Variants in PDZD2 observed in about 807,000 individuals in gnomAD.
PDZD2 encodes PDZ domain-containing protein 2.
In PDZD2, 90 loss-of-function variants were observed where a neutral mutation model predicts 220.7. The ratio of observed to expected loss-of-function variants is 0.41; its 90% confidence interval spans 0.34 to 0.49. PDZD2 has a LOEUF of 0.49. Among genes scored for constraint, PDZD2 ranks in the 20% least tolerant of loss-of-function variants. The pLI is 0.28. For synonymous variants in PDZD2, 1,375 were observed against 1,450.5 expected (o/e 0.95, Z 1.18); for missense variants, 3,174 against 3,608.5 (o/e 0.88, Z 3.08).
chr5:31,819,920 T>C (rs578067302), intron 2 of PDZD2, among the ~76,000 whole-genome samples: 18 of 152,344 alleles, frequency 1.2e-4, no homozygotes, highest in African/African-American at 4.1e-4. Context: ...TGCAGAATTC[T>C]CTATTATCCT....
intron 2 of PDZD2, among the ~76,000 whole-genome samples, chr5:31,824,640 C>T (rs568644219): frequency 6.6e-6 from 1 of 151,606 alleles, no homozygotes; most frequent in Admixed American, 6.6e-5. Context: ...AGATGTGCCA[C>T]CCTCAAACCT....
At chr5:31,689,353 A>ATATATATATAT in intron 1 of PDZD2, among the ~76,000 whole-genome samples, 21 of 35,122 alleles carry the variant, frequency 6.0e-4, no homozygotes, top group South Asian at 1.0e-3. Flanking sequence ...ATATATATAT[A>ATATATATATAT]TTTTTTTTTT....
chr5:31,935,358 A>G (rs1459054350), intron 2 of PDZD2, among the ~76,000 whole-genome samples: 1 of 152,190 alleles, frequency 6.6e-6, no homozygotes, highest in Non-Finnish European at 1.5e-5. Context: ...ACTACTATAT[A>G]TGTGTGTTGG....
chr5:31,796,137 T>C (rs1754009351), intron 1 of PDZD2, among the ~76,000 whole-genome samples: 1 of 152,222 alleles, frequency 6.6e-6, no homozygotes, highest in East Asian at 1.9e-4. Flanking sequence ...AATTAACAAC[T>C]CGAGTTGCAA....
chr5:31,819,978 C>G (rs1225183304), intron 2 of PDZD2, among the ~76,000 whole-genome samples: 2 of 152,158 alleles, frequency 1.3e-5, no homozygotes, highest in Admixed American at 1.3e-4. Flanking sequence ...CAGGTGACAG[C>G]CTGATGATGA....
chr5:31,887,161 G>A (rs1740583562), intron 2 of PDZD2, among the ~76,000 whole-genome samples: 1 of 152,196 alleles, frequency 6.6e-6, no homozygotes, highest in African/African-American at 2.4e-5. Context: ...AGTTCAATGA[G>A]TTCTGAAAAT....
intron 7 of PDZD2, among the ~76,000 whole-genome samples, chr5:32,042,054 G>GACC (rs1756222801): frequency 2.2e-5 from 1 of 46,180 alleles, no homozygotes; most frequent in Admixed American, 2.3e-4. Context: ...AGGAGATCGA[G>GACC]ACCATCCTGG....
chr5:31,953,712 T>G (rs1747385588), intron 2 of PDZD2, among the ~76,000 whole-genome samples: 1 of 151,168 alleles, frequency 6.6e-6, no homozygotes. Context: ...TGGAGTGCAG[T>G]GGCACAATCT....
At chr5:31,957,607 G>A (rs893893892) in intron 2 of PDZD2, among the ~76,000 whole-genome samples, 2 of 152,166 alleles carry the variant, frequency 1.3e-5, no homozygotes, top group South Asian at 2.1e-4. Flanking sequence ...CTAGCCTCTG[G>A]AGACCAGGGG....
chr5:31,778,017 C>T (rs1485594725), intron 1 of PDZD2, among the ~76,000 whole-genome samples: 2 of 152,194 alleles, frequency 1.3e-5, no homozygotes, highest in African/African-American at 4.8e-5. Flanking sequence ...CTGTGTCTAG[C>T]TCGGGGATTG....
At chr5:31,990,344 G>A (rs1483567486) in intron 3 of PDZD2, among the ~76,000 whole-genome samples, 1 of 152,210 alleles carries the variant, frequency 6.6e-6, no homozygotes, top group Non-Finnish European at 1.5e-5. Context: ...GTAATTGGCA[G>A]TTTACAGGAA....
chr5:31,840,781 A>G (rs1757256841), intron 2 of PDZD2: 1 of 809,606 alleles, frequency 1.2e-6, no homozygotes, highest in South Asian at 1.3e-5. Context: ...GGAACATTGT[A>G]GACTCTTCCC....
At position 31,793,731 on chromosome 5, in the gene PDZD2, C is replaced by T. The variant is rs187895211; in HGVS notation, c.-360-5158C>T. On this transcript the variant is annotated intron_variant, in intron 1 of 24. Coordinates refer to ENST00000438447, the MANE Select transcript of PDZD2 (RefSeq NM_178140.4). ...ACTGAGGCTGAGAATCGCTTGAAAC[C>T]GGGAGGCGGAGGTTGCAGTGAGCCC... Among the ~76,000 whole-genome samples the T allele has an allele frequency of 7.9e-5, 12 of 152,306 alleles. No homozygotes were observed. In the East Asian group the frequency reaches 1.2e-3, roughly 15 times the overall value.
At chr5:32,016,667 C>T (rs1297840502) in intron 6 of PDZD2, among the ~76,000 whole-genome samples, 3 of 152,200 alleles carry the variant, frequency 2.0e-5, no homozygotes, top group Non-Finnish European at 4.4e-5. Context: ...CCAGGGCAAT[C>T]ACAGCAGCCT....
In PDZD2 at chr5:31,799,685, A is replaced by G; in HGVS notation, c.437A>G (p.Asn146Ser). 1 of 1,613,878 alleles carries G rather than the reference A, an allele frequency of 6.2e-7. No homozygotes were observed. The highest frequency in any genetic ancestry group is 8.5e-7 in the Non-Finnish European group (1 of 1,179,876). ...VRLRDEILSLNGQLMVGVDVS... is the reference protein window; with the variant it reads ...VRLRDEILSLSGQLMVGVDVS... ...CTGCGGGATGAGATCCTCTCACTGAATGGGCAGCTGATGGTTGGAGTTGAT... is the reference window on the plus strand; with the variant it reads ...CTGCGGGATGAGATCCTCTCACTGAGTGGGCAGCTGATGGTTGGAGTTGAT... Residue 146 changes from asparagine (N) to serine (S), a missense_variant, in exon 2 of 25, where the codon AAT (asparagine) becomes AGT (serine). By Grantham distance (46) the Asn-to-Ser change is conservative. This residue lies in a region of PDZD2 where 632 missense variants were observed against 708.1 expected (regional missense o/e 0.89). Transcript: ENST00000438447.
chr5:31,943,879 G>T (rs1283145763), intron 2 of PDZD2, among the ~76,000 whole-genome samples: 1 of 152,104 alleles, frequency 6.6e-6, no homozygotes, highest in African/African-American at 2.4e-5. Flanking sequence ...GCTCAAATTT[G>T]GTATTTCCTT....
chr5:31,961,797 C>G (rs1042106417), intron 2 of PDZD2, among the ~76,000 whole-genome samples: 4 of 152,184 alleles, frequency 2.6e-5, no homozygotes, highest in Admixed American at 6.5e-5. Context: ...GCATCCACCA[C>G]CACGCCTGGC....
intron 1 of PDZD2, among the ~76,000 whole-genome samples, chr5:31,671,907 G>T (rs887270039): frequency 1.3e-5 from 2 of 152,180 alleles, no homozygotes; most frequent in Admixed American, 1.3e-4. Flanking sequence ...ACCTGGAGGG[G>T]TGGAGCTCTA....
intron 1 of PDZD2, among the ~76,000 whole-genome samples, chr5:31,786,588 A>G (rs1753392071): frequency 1.3e-5 from 2 of 152,156 alleles, no homozygotes; most frequent in Non-Finnish European, 2.9e-5. Context: ...TCTGCAGTTC[A>G]AAACTTCCAT....
Sources: allele counts gnomAD v4.1 joint callset (sites outside exome capture counted in the v4.1 genomes callset), GRCh38; gene constraint gnomAD v4.1.1; regional missense constraint gnomAD v4.1.1; transcripts MANE v1.5; gene names NCBI Gene and HGNC (gene_info 2026-07-23, HGNC 2026-07-21).